CDYL: variants seen among roughly 807,000 people sequenced by gnomAD.
The protein encoded by CDYL is chromodomain Y-like protein.
In CDYL, 8 loss-of-function variants were observed where a neutral mutation model predicts 47.3. The ratio of observed to expected loss-of-function variants is 0.17; its 90% CI spans 0.10 to 0.31. The LOEUF is 0.31. CDYL is among the 10% of genes least tolerant of loss of function. CDYL has a pLI of 1.00. For synonymous variants in CDYL, 266 were observed against 265.0 expected (o/e 1.00, Z -0.04); for missense variants, 471 against 701.4 (o/e 0.67, Z 3.71).
chr6:4,953,848 G>C (rs577827456), intron 6 of CDYL, 50 bp from the exon 7 acceptor site: 2 of 1,568,970 alleles, frequency 1.3e-6, no homozygotes, highest in South Asian at 1.2e-5. Flanking sequence ...CAGGGGACCC[G>C]TGTCTGCCCG....
intron 1 of CDYL, among the ~76,000 whole-genome samples, chr6:4,891,154 C>G (rs1436187089): frequency 6.6e-6 from 1 of 152,224 alleles, no homozygotes; most frequent in Non-Finnish European, 1.5e-5. Context: ...CCTGATCGCT[C>G]TAGACTGTTT....
intron 2 of CDYL, among the ~76,000 whole-genome samples, chr6:4,930,265 C>T (rs1430217178): frequency 6.6e-6 from 1 of 152,242 alleles, no homozygotes; most frequent in African/African-American, 2.4e-5. Context: ...TCTCCCTGTG[C>T]ATGCTCAGAT....
chr6:4,793,179 C>T (rs922663367), intron 1 of CDYL, among the ~76,000 whole-genome samples: 2 of 152,156 alleles, frequency 1.3e-5, no homozygotes, highest in Non-Finnish European at 2.9e-5. Context: ...ATGTTGATTA[C>T]GTGAGAAACC....
chr6:4,943,446 C>T (rs886879515), intron 4 of CDYL, 100 bp from the exon 5 acceptor site: 16 of 827,998 alleles, frequency 1.9e-5, no homozygotes, highest in East Asian at 5.1e-5. Context: ...TCAGGATTTC[C>T]GTAGCATTTA....
chr6:4,818,393 T>C (rs1449198977), intron 1 of CDYL, among the ~76,000 whole-genome samples: 1 of 152,216 alleles, frequency 6.6e-6, no homozygotes, highest in Non-Finnish European at 1.5e-5. Context: ...CTAAGCCTTT[T>C]GAAGGTGTTT....
At chr6:4,755,821 T>C (rs1326184659) in intron 3 of CDYL, among the ~76,000 whole-genome samples, 3 of 152,218 alleles carry the variant, frequency 2.0e-5, no homozygotes, top group Non-Finnish European at 2.9e-5. Context: ...GCAAGTATAC[T>C]GCAAAACTTG....
chr6:4,753,796 A>T (rs1758034329), intron 3 of CDYL, among the ~76,000 whole-genome samples: 1 of 152,210 alleles, frequency 6.6e-6, no homozygotes. Context: ...CCTGGCTTCT[A>T]CTAAACAACT....
chr6:4,864,796 A>G (rs886685485), intron 1 of CDYL, among the ~76,000 whole-genome samples: 2 of 152,236 alleles, frequency 1.3e-5, no homozygotes, highest in Non-Finnish European at 2.9e-5. Context: ...TGTAAATCCA[A>G]TTAAACCTCT....
intron 1 of CDYL, among the ~76,000 whole-genome samples, chr6:4,804,880 C>T (rs754437258): frequency 3.3e-5 from 5 of 152,314 alleles, no homozygotes; most frequent in Non-Finnish European, 7.4e-5. Context: ...TGTCACAGAA[C>T]TCTTGGCCCA....
At chr6:4,917,925 A>G (rs1469146091) in intron 2 of CDYL, among the ~76,000 whole-genome samples, 1 of 152,220 alleles carries the variant, frequency 6.6e-6, no homozygotes, top group Non-Finnish European at 1.5e-5. Context: ...ATTGGATGCA[A>G]TAACTATAGG....
chr6:4,809,271 C>G (rs1240231268), intron 1 of CDYL, among the ~76,000 whole-genome samples: 1 of 152,200 alleles, frequency 6.6e-6, no homozygotes, highest in East Asian at 1.9e-4. Context: ...TCTTAAAGAT[C>G]ATCTTCATTT....
upstream of CDYL, chr6:4,773,091 G>A (rs936878981): frequency 4.4e-6 from 2 of 457,182 alleles, no homozygotes; most frequent in South Asian, 1.5e-5. The surrounding 1 kb of genome is among the most constrained non-coding windows in gnomAD (Gnocchi z 4.6). Context: ...TCTTATCGTC[G>A]GTAGAACTTG....
At chr6:4,933,649 T>C (rs1221014865) in intron 2 of CDYL, among the ~76,000 whole-genome samples, 7 of 151,806 alleles carry the variant, frequency 4.6e-5, no homozygotes, top group Non-Finnish European at 8.8e-5. Context: ...TCTGGTAGGG[T>C]AGAGGATGGA....
intron 1 of CDYL, among the ~76,000 whole-genome samples, chr6:4,791,793 T>C (rs1758927121): frequency 6.6e-6 from 1 of 152,084 alleles, no homozygotes; most frequent in African/African-American, 2.4e-5. Flanking sequence ...AGAGTAGATG[T>C]ATACAGTTAA....
chr6:4,856,867 C>T (rs974037383), intron 1 of CDYL, among the ~76,000 whole-genome samples: 3 of 152,180 alleles, frequency 2.0e-5, no homozygotes, highest in Admixed American at 2.0e-4. Context: ...CATTTCCTCA[C>T]TAATTTGAAA....
chr6:4,793,142 C>T lies in CDYL; in HGVS notation c.24+16335C>T, dbSNP rs1481759688. Among the ~76,000 whole-genome samples the T allele has an allele frequency of 5.3e-5, 8 of 152,260 alleles. No homozygotes were observed. In the South Asian group the frequency reaches 1.2e-3, roughly 24 times the overall value. ...AAATTTCTCTCCTCATGGTGGTGTGCTCTTCCATCTACACCCTGGAATCAT... is the reference window on the plus strand; with the variant it reads ...AAATTTCTCTCCTCATGGTGGTGTGTTCTTCCATCTACACCCTGGAATCAT... On this transcript the variant is annotated intron_variant, in intron 1 of 6. Transcript: ENST00000397588.
chr6:4,806,611 G>A (rs1353676562), intron 1 of CDYL, among the ~76,000 whole-genome samples: 3 of 152,072 alleles, frequency 2.0e-5, no homozygotes, highest in Non-Finnish European at 4.4e-5. Flanking sequence ...CACACTGCAC[G>A]TTTTCCCATG....
intron 1 of CDYL, among the ~76,000 whole-genome samples, chr6:4,833,306 A>G (rs1192373703): frequency 6.7e-6 from 1 of 149,164 alleles, no homozygotes; most frequent in Non-Finnish European, 1.5e-5. Flanking sequence ...GAACATCTTT[A>G]TTTCTGCCTT....
At chr6:4,786,878 C>G (rs2127432886) in intron 1 of CDYL, among the ~76,000 whole-genome samples, 1 of 152,326 alleles carries the variant, frequency 6.6e-6, no homozygotes, top group East Asian at 1.9e-4. Context: ...CTGTGTCCCT[C>G]TAACCTGATT....
Sources: allele counts gnomAD v4.1 joint callset (sites outside exome capture counted in the v4.1 genomes callset), GRCh38; gene constraint gnomAD v4.1.1; non-coding constraint Gnocchi (gnomAD v3.1); transcripts MANE v1.5; gene names NCBI Gene and HGNC (gene_info 2026-07-23, HGNC 2026-07-21).